CACNA2D3: variants seen among roughly 807,000 people sequenced by gnomAD.
The protein encoded by CACNA2D3 is calcium voltage-gated channel auxiliary subunit alpha2delta 3.
Under a neutral mutation model 160.6 loss-of-function variants are expected in CACNA2D3, and 60 were observed. That is an observed-to-expected ratio of 0.37 (90% confidence interval 0.30 to 0.46). The LOEUF is 0.46. Among genes scored for constraint, CACNA2D3 ranks in the 20% least tolerant of loss-of-function variants. The pLI, the probability that CACNA2D3 is intolerant of heterozygous loss-of-function variation, is 1.00. For missense variants in CACNA2D3, 1,205 were observed against 1,365.0 expected (o/e 0.88, Z 1.85); for synonymous variants, 558 against 492.9 (o/e 1.13, Z -1.75).
At chr3:54,328,498 T>G (rs1704169097) in intron 3 of CACNA2D3, among the ~76,000 whole-genome samples, 1 of 151,932 alleles carries the variant, frequency 6.6e-6, no homozygotes, top group Admixed American at 6.5e-5. Flanking sequence ...GCCGGGCTGG[T>G]CTCGAACTCC....
At chr3:54,710,962 A>G (rs1026272719) in intron 11 of CACNA2D3, among the ~76,000 whole-genome samples, 1 of 152,212 alleles carries the variant, frequency 6.6e-6, no homozygotes, top group Non-Finnish European at 1.5e-5. Flanking sequence ...AAACTGAACA[A>G]CCAGTGTCAC....
chr3:55,007,095 G>GA (rs1703113663), intron 32 of CACNA2D3, among the ~76,000 whole-genome samples: 1 of 152,130 alleles, frequency 6.6e-6, no homozygotes, highest in Non-Finnish European at 1.5e-5. Flanking sequence ...CAGAATTCAG[G>GA]AAATTGAATT....
intron 11 of CACNA2D3, among the ~76,000 whole-genome samples, chr3:54,747,742 C>G (rs1221030531): frequency 6.6e-6 from 1 of 152,062 alleles, no homozygotes; most frequent in East Asian, 1.9e-4. Context: ...CCTTTGGTTC[C>G]CTTCACCTGG....
chr3:54,472,799 G>A (rs572519764), intron 4 of CACNA2D3, among the ~76,000 whole-genome samples: 4 of 152,216 alleles, frequency 2.6e-5, no homozygotes, highest in African/African-American at 9.6e-5. Flanking sequence ...GCTACAAAGA[G>A]AATAAAACAC....
At chr3:54,947,612 A>G (rs1229812120) in intron 27 of CACNA2D3, among the ~76,000 whole-genome samples, 2 of 152,168 alleles carry the variant, frequency 1.3e-5, no homozygotes, top group African/African-American at 4.8e-5. Context: ...GCCTGATTAT[A>G]GTATGGAGAT....
chr3:54,833,876 T>G (rs1703931171), intron 14 of CACNA2D3, among the ~76,000 whole-genome samples: 1 of 152,144 alleles, frequency 6.6e-6, no homozygotes, highest in Non-Finnish European at 1.5e-5. Context: ...GGGTTAGGGT[T>G]CTGGCCAAGC....
rs761153412 is a variant in CACNA2D3, at chr3:54,320,604, G to C, written c.321+46G>C. On this transcript the variant is annotated intron_variant, in intron 3 of 37. Coordinates refer to ENST00000474759, the MANE Select transcript of CACNA2D3 (RefSeq NM_018398.3). ...CCCTGTATCGCCTGAAGGCACAAAGGCAGCTTCAGGGGATGGCATTGATGA... is the reference window on the plus strand; with the variant it reads ...CCCTGTATCGCCTGAAGGCACAAAGCCAGCTTCAGGGGATGGCATTGATGA... 34 of 995,490 alleles carry C rather than the reference G, an allele frequency of 3.4e-5. No homozygotes were observed. The East Asian group carries it at 9.4e-4, about 27-fold the overall frequency. The allele number at this position is 995,490 out of a possible 1,614,324, so 61.7% of individuals were successfully genotyped here.
chr3:54,457,652 T>G (rs2106832754), intron 4 of CACNA2D3, among the ~76,000 whole-genome samples: 1 of 152,124 alleles, frequency 6.6e-6, no homozygotes. Flanking sequence ...GAGAGTGGGG[T>G]TTGGAAGTCC....
intron 20 of CACNA2D3, among the ~76,000 whole-genome samples, chr3:54,880,170 C>T (rs1325053765): frequency 1.3e-5 from 2 of 152,194 alleles, no homozygotes; most frequent in African/African-American, 4.8e-5. Context: ...ATAAGGACCA[C>T]ATGAGCTGCT....
At chr3:54,253,429 G>A (rs759508312) in intron 2 of CACNA2D3, among the ~76,000 whole-genome samples, 5 of 152,096 alleles carry the variant, frequency 3.3e-5, no homozygotes, top group East Asian at 1.9e-4. Context: ...GCTGGAGCAG[G>A]AGCCAGAGAG....
At chr3:54,987,779 TC>T (rs1559455910) in intron 31 of CACNA2D3, 26 bp downstream of exon 31, 3 of 1,542,452 alleles carry the variant, frequency 1.9e-6, no homozygotes, top group Non-Finnish European at 1.8e-6. Context: ...TCCACTGCAT[TC>T]CCCCCAAAAG....
At chr3:54,869,269 T>G (rs1209172371) in intron 17 of CACNA2D3, among the ~76,000 whole-genome samples, 1 of 152,214 alleles carries the variant, frequency 6.6e-6, no homozygotes, top group Admixed American at 6.5e-5. Flanking sequence ...CCATACAAGC[T>G]ATGCGATCTT....
At chr3:55,015,810 GAA>G (rs1703315182) in intron 34 of CACNA2D3, among the ~76,000 whole-genome samples, 5 of 152,176 alleles carry the variant, frequency 3.3e-5, no homozygotes, top group Admixed American at 2.6e-4. Flanking sequence ...AAAGGTGTTA[GAA>G]ACTCCCTGCT....
intron 2 of CACNA2D3, among the ~76,000 whole-genome samples, chr3:54,300,542 T>C (rs57897895): frequency 0.26 from 38,886 of 152,172 alleles, 5,096 homozygotes; most frequent in South Asian, 0.34. Context: ...ATCCGGTCCA[T>C]TGTTCATCTT....
chr3:54,492,639 C>T (rs759276791), intron 4 of CACNA2D3, among the ~76,000 whole-genome samples: 9 of 152,186 alleles, frequency 5.9e-5, no homozygotes, highest in Non-Finnish European at 8.8e-5. Context: ...CAGTTGTCAC[C>T]GCACGAGGAC....
At chr3:54,307,627 A>G (rs764868461) in intron 2 of CACNA2D3, among the ~76,000 whole-genome samples, 7 of 152,130 alleles carry the variant, frequency 4.6e-5, no homozygotes, top group Non-Finnish European at 1.0e-4. Context: ...TCTTTACTCA[A>G]TTTGGAGGTG....
intron 5 of CACNA2D3, among the ~76,000 whole-genome samples, chr3:54,541,170 G>A (rs574142331): frequency 6.6e-5 from 10 of 150,984 alleles, no homozygotes; most frequent in South Asian, 2.1e-4. Context: ...CCAGCTACTC[G>A]GGAGGCTGAG....
chr3:54,743,562 T>C (rs930715342), intron 11 of CACNA2D3, among the ~76,000 whole-genome samples: 1 of 152,252 alleles, frequency 6.6e-6, no homozygotes, highest in Non-Finnish European at 1.5e-5. Context: ...TGATGTTTTA[T>C]GAACATAACC....
intron 4 of CACNA2D3, among the ~76,000 whole-genome samples, chr3:54,477,514 T>C (rs1055051672): frequency 6.6e-6 from 1 of 152,120 alleles, no homozygotes; most frequent in Non-Finnish European, 1.5e-5. Context: ...AAACCAGAAA[T>C]TTGGGGAGCA....
Sources: allele counts gnomAD v4.1 joint callset (sites outside exome capture counted in the v4.1 genomes callset), GRCh38; gene constraint gnomAD v4.1.1; transcripts MANE v1.5; gene names NCBI Gene and HGNC (gene_info 2026-07-23, HGNC 2026-07-21).